Variants in FGF13 observed in about 807,000 individuals in gnomAD.
FGF13 encodes fibroblast growth factor homologous factor 2.
Under a neutral mutation model 19.5 loss-of-function variants are expected in FGF13, and 2 were observed. The observed-to-expected ratio is 0.10, with a 90% CI of 0.04 to 0.32. The LOEUF is 0.32. Ranked by LOEUF, FGF13 falls within the 10% of genes least tolerant of loss-of-function variation. The probability of loss-of-function intolerance (pLI) is 1.00; values close to 1 mark genes in which losing one functional copy is unlikely to be tolerated. For synonymous variants in FGF13, 72 were observed against 76.9 expected, an observed-to-expected ratio of 0.94 and a Z score of 0.33; for missense variants, 113 against 192.7, an observed-to-expected ratio of 0.59 and a Z score of 2.45.
chrX:138,809,521 T>C (rs1402722732), intron 3 of FGF13, among the ~76,000 whole-genome samples: 1 of 111,857 alleles, frequency 8.9e-6, no homozygotes, highest in Non-Finnish European at 1.9e-5. Context: ...AAGCATTCCC[T>C]TTGAAAACTG....
chrX:138,798,542 T>A (rs2090798619), intron 3 of FGF13, among the ~76,000 whole-genome samples: 1 of 111,886 alleles, frequency 8.9e-6, no homozygotes, highest in Non-Finnish European at 1.9e-5. Context: ...CTGTTGTGTC[T>A]CTGCCAGGTT....
chrX:139,168,390 T>G (rs373794643), intron 1 of FGF13, among the ~76,000 whole-genome samples: 197 of 111,728 alleles, frequency 1.8e-3, no homozygotes, highest in African/African-American at 6.1e-3. Flanking sequence ...AACAAAAAGC[T>G]GACACTCTTC....
At chrX:138,855,962 C>CTGTGTGTGTGTGTGTGTGTGTGTGTG (rs35763167), downstream of FGF13, among the ~76,000 whole-genome samples, 89 of 101,329 alleles carry the variant, frequency 8.8e-4, no homozygotes, top group African/African-American at 3.1e-3. Context: ...AGTACAAAAA[C>CTGTGTGTGTGTGTGTGTGTGTGTGTG]TGTGTGTGTG....
chrX:138,805,850 T>A (rs2090862661), intron 3 of FGF13, among the ~76,000 whole-genome samples: 1 of 110,800 alleles, frequency 9.0e-6, no homozygotes, highest in Admixed American at 9.7e-5. Context: ...TAACTCCCCC[T>A]TTTTTCACTC....
In FGF13 at chrX:138,822,944, T is replaced by C. The variant is rs144271993; in HGVS notation, c.217+34568A>G. 5.2e-4 allele frequency among the ~76,000 whole-genome samples: 58 copies of C among 111,654 alleles called. 1 individual carries two copies. In the East Asian group the frequency reaches 0.016, roughly 31 times the overall value. On this transcript the variant is annotated intron_variant, in intron 3 of 6. Coordinates refer to the FGF13 transcript ENST00000436198. The stretch of plus-strand genomic sequence containing the variant: ...TGAACATACAGTGTGGTACAGTACA[T>C]ATAGAGACTGTGGGATAACCAACAC...
At chrX:139,124,466 C>A (rs1450349521) in intron 1 of FGF13, among the ~76,000 whole-genome samples, 1 of 112,022 alleles carries the variant, frequency 8.9e-6, no homozygotes, top group East Asian at 2.8e-4. Flanking sequence ...CCCAGACCCT[C>A]TCCATCCTCA....
At chrX:138,920,998 A>G (rs968904116) in intron 1 of FGF13, among the ~76,000 whole-genome samples, 21 of 111,861 alleles carry the variant, frequency 1.9e-4, no homozygotes, top group African/African-American at 6.8e-4. Flanking sequence ...CCTCAGACAA[A>G]TTACATGGCC....
chrX:138,677,706 T>C (rs1305644962), intron 3 of FGF13, among the ~76,000 whole-genome samples: 4 of 111,590 alleles, frequency 3.6e-5, no homozygotes, highest in Non-Finnish European at 7.5e-5. Flanking sequence ...TGTGGAGAAA[T>C]AGGAACACTT....
intron 1 of FGF13, among the ~76,000 whole-genome samples, chrX:138,866,470 T>G (rs1214470047): frequency 8.9e-6 from 1 of 112,291 alleles, no homozygotes; most frequent in Non-Finnish European, 1.9e-5. Context: ...TTCTCCTCTC[T>G]TAAGAAGAAG....
intron 1 of FGF13, among the ~76,000 whole-genome samples, chrX:139,009,462 A>G (rs1438619786): frequency 8.9e-6 from 1 of 112,003 alleles, no homozygotes; most frequent in Non-Finnish European, 1.9e-5. Context: ...TCTCAGCAGA[A>G]ACCCTACAAG....
At chrX:138,689,709 C>T (rs1311403992) in intron 3 of FGF13, among the ~76,000 whole-genome samples, 1 of 112,063 alleles carries the variant, frequency 8.9e-6, no homozygotes, top group East Asian at 2.8e-4. Context: ...GCTCTATTTG[C>T]TCTCCATGTG....
At chrX:138,717,779 AT>A (rs922429266) in intron 1 of FGF13, among the ~76,000 whole-genome samples, 23 of 106,858 alleles carry the variant, frequency 2.2e-4, no homozygotes, top group East Asian at 5.9e-4. Flanking sequence ...ACATTTAACT[AT>A]TTTTTTTTTC....
At chrX:138,893,005 A>T (rs1252490590) in intron 1 of FGF13, among the ~76,000 whole-genome samples, 2 of 109,887 alleles carry the variant, frequency 1.8e-5, no homozygotes, top group African/African-American at 6.6e-5. Flanking sequence ...GAGGAAGATG[A>T]AGGTGATGTT....
chrX:138,879,947 T>C (rs986874496), intron 1 of FGF13, among the ~76,000 whole-genome samples: 2 of 112,071 alleles, frequency 1.8e-5, no homozygotes, highest in Non-Finnish European at 3.8e-5. Flanking sequence ...AAAGGGTTAA[T>C]ATCCAGAATG....
chrX:139,105,416 C>G (rs2083552743), intron 1 of FGF13, among the ~76,000 whole-genome samples: 1 of 111,281 alleles, frequency 9.0e-6, no homozygotes, highest in African/African-American at 3.3e-5. Flanking sequence ...CTCGTCTGAC[C>G]TCATGATGCA....
At chrX:139,038,295 C>T (rs1363141376) in intron 1 of FGF13, among the ~76,000 whole-genome samples, 4 of 110,654 alleles carry the variant, frequency 3.6e-5, no homozygotes, top group Non-Finnish European at 7.6e-5. Context: ...CCTTAAACCC[C>T]GACCACAGCG....
At chrX:138,827,958 C>A (rs1222958459) in intron 3 of FGF13, among the ~76,000 whole-genome samples, 6 of 111,446 alleles carry the variant, frequency 5.4e-5, no homozygotes, top group Non-Finnish European at 9.4e-5. Context: ...GGTTAAAACC[C>A]GGGTTTGTTC....
At chrX:138,665,280 G>C (rs1234493046) in intron 3 of FGF13, among the ~76,000 whole-genome samples, 1 of 111,036 alleles carries the variant, frequency 9.0e-6, no homozygotes, top group Non-Finnish European at 1.9e-5. Flanking sequence ...GGGATTCCAC[G>C]GCTACCTGGG....
intron 1 of FGF13, among the ~76,000 whole-genome samples, chrX:138,937,116 C>T (rs189314559): frequency 9.1e-6 from 1 of 110,445 alleles, no homozygotes; most frequent in Admixed American, 9.7e-5. Flanking sequence ...ATCTCTACCC[C>T]CTCCTTTATA....
Sources: allele counts gnomAD v4.1 joint callset (sites outside exome capture counted in the v4.1 genomes callset), GRCh38; gene constraint gnomAD v4.1.1; transcripts MANE v1.5; gene names NCBI Gene and HGNC (gene_info 2026-07-23, HGNC 2026-07-21).